The following RGS6 variants were observed in gnomAD, a reference collection of about 807,000 sequenced individuals.
RGS6 encodes regulator of G-protein signaling 6.
Under a neutral mutation model 78.5 loss-of-function variants are expected in RGS6, and 30 were observed. The observed-to-expected ratio is 0.38, with a 90% CI of 0.29 to 0.52. The LOEUF (loss-of-function observed/expected upper bound fraction) is 0.52, where lower values mean the gene tolerates loss of function less well. Ranked by LOEUF, RGS6 falls within the 20% of genes least tolerant of loss-of-function variation. The probability of loss-of-function intolerance (pLI) is 0.85; values close to 1 mark genes in which losing one functional copy is unlikely to be tolerated. For missense variants in RGS6, 495 were observed against 609.7 expected (o/e 0.81, Z 1.98); for synonymous variants, 206 against 206.0 (o/e 1.00, Z 0.00).
the RGS6 span, among the ~76,000 whole-genome samples, chr14:72,603,681 G>T: frequency 6.8e-6 from 1 of 147,958 alleles, no homozygotes; most frequent in Admixed American, 6.8e-5. Context: ...AGCATCAGGT[G>T]CTATATGACA....
chr14:72,093,112 C>T (rs1192173268), intron 2 of RGS6, among the ~76,000 whole-genome samples: 1 of 151,944 alleles, frequency 6.6e-6, no homozygotes, highest in Non-Finnish European at 1.5e-5. Flanking sequence ...AGAACATGAC[C>T]AACATGATTG....
At chr14:72,336,478 C>T (rs1352391380) in intron 2 of RGS6, among the ~76,000 whole-genome samples, 3 of 151,438 alleles carry the variant, frequency 2.0e-5, no homozygotes, top group South Asian at 2.1e-4. Flanking sequence ...TCATGGAAAG[C>T]TGTCTAATTT....
chr14:72,071,570 C>G (rs537976199), intron 2 of RGS6, among the ~76,000 whole-genome samples: 1 of 152,176 alleles, frequency 6.6e-6, no homozygotes, highest in Non-Finnish European at 1.5e-5. Flanking sequence ...TTAGTATTGT[C>G]AGGTTTCTTA....
chr14:72,567,348 C>T (rs533716320), downstream of RGS6, among the ~76,000 whole-genome samples: 180 of 152,320 alleles, frequency 1.2e-3, no homozygotes, highest in African/African-American at 4.2e-3. Context: ...TCCTCTTTGA[C>T]CATGGCCACC....
chr14:72,337,484 A>G (rs2076247678), intron 2 of RGS6, among the ~76,000 whole-genome samples: 1 of 151,800 alleles, frequency 6.6e-6, no homozygotes, highest in South Asian at 2.1e-4. Flanking sequence ...TCTACTTACA[A>G]CCTTGCCCTC....
chr14:71,884,593 TA>T, the RGS6 span, among the ~76,000 whole-genome samples: 3 of 152,232 alleles, frequency 2.0e-5, no homozygotes, highest in Admixed American at 6.5e-5. Context: ...GTGGATTTTA[TA>T]ACTTGTACCT....
chr14:72,575,697 C>T, the RGS6 span, among the ~76,000 whole-genome samples: 2 of 152,192 alleles, frequency 1.3e-5, no homozygotes, highest in Admixed American at 6.5e-5. Flanking sequence ...AGAAATGATA[C>T]ATGTTTGAGG....
chr14:72,048,235 G>T lies in RGS6; in HGVS notation c.84+83360G>T, dbSNP rs17179393. Among the ~76,000 whole-genome samples, 624 of 152,118 alleles carry T rather than the reference G, an allele frequency of 4.1e-3. 2 individuals are homozygous for T. Among genetic ancestry groups the T allele is most frequent in the African/African-American group, 0.015 (609 of 41,518 alleles). ...TTCACTTTAACGGGGTTACCAAATC[G>T]CTCTTTAAACTTGAATTTCTATCAA... is the stretch of plus-strand genomic sequence containing the variant. On this transcript the variant is annotated intron_variant, in intron 2 of 17. Coordinates refer to ENST00000553525, the MANE Select transcript of RGS6 (RefSeq NM_001204424.2).
the RGS6 span, among the ~76,000 whole-genome samples, chr14:71,889,971 T>C: frequency 1.3e-5 from 2 of 152,196 alleles, no homozygotes; most frequent in Non-Finnish European, 2.9e-5. Flanking sequence ...TGGCAAAAAC[T>C]GTGATTACTT....
chr14:71,879,399 G>A, the RGS6 span, among the ~76,000 whole-genome samples: 76,519 of 151,972 alleles, frequency 0.5, 19,618 homozygotes, highest in South Asian at 0.67. Context: ...ACTATAATAT[G>A]AGCAAGATGA....
intron 2 of RGS6, among the ~76,000 whole-genome samples, chr14:72,213,317 C>A (rs1341504629): frequency 6.6e-6 from 1 of 152,056 alleles, no homozygotes; most frequent in African/African-American, 2.4e-5. Flanking sequence ...AGGAAAGAGG[C>A]CCCAAAGCCA....
chr14:72,026,170 G>A (rs1251145070), intron 2 of RGS6, among the ~76,000 whole-genome samples: 3 of 152,100 alleles, frequency 2.0e-5, no homozygotes. Flanking sequence ...ACTTTGGGAG[G>A]CCAAGGCAGG....
chr14:71,997,339 G>A (rs1052382022), intron 2 of RGS6, among the ~76,000 whole-genome samples: 24 of 152,136 alleles, frequency 1.6e-4, no homozygotes, highest in Non-Finnish European at 3.2e-4. Flanking sequence ...AGTCCAGAGC[G>A]CAGTTGTATA....
intron 2 of RGS6, among the ~76,000 whole-genome samples, chr14:72,087,244 C>T (rs2095080235): frequency 6.6e-6 from 1 of 152,104 alleles, no homozygotes; most frequent in Non-Finnish European, 1.5e-5. Flanking sequence ...GATTCTCTTG[C>T]CTCAGCCTCC....
At chr14:72,250,053 AC>A (rs2055259514) in intron 2 of RGS6, among the ~76,000 whole-genome samples, 2 of 131,056 alleles carry the variant, frequency 1.5e-5, no homozygotes, top group Non-Finnish European at 3.1e-5. Context: ...GATCACATGG[AC>A]ACAGGAAGGG....
At position 72,499,131 on chromosome 14, in the gene RGS6, C is replaced by G. The variant is rs186986458; in HGVS notation, c.965+3869C>G. Among the ~76,000 whole-genome samples, 342 of 152,316 alleles carry G rather than the reference C, an allele frequency of 2.2e-3. 6 individuals are homozygous for G. The highest frequency in any genetic ancestry group is 0.021 in the Admixed American group (322 of 15,304). On this transcript the variant is annotated intron_variant, in intron 13 of 17. Coordinates refer to ENST00000553525, the MANE Select transcript of RGS6 (RefSeq NM_001204424.2). ...ATTTCCTCGCCAAGGTACTCCCCAA[C>G]AAGTCGACTCTTCTCCCTCCACTAA...
chr14:72,553,068 A>G lies in RGS6; in HGVS notation c.1423-9349A>G, dbSNP rs2153535826. On this transcript the variant is annotated intron_variant, in intron 17 of 17. Coordinates refer to ENST00000553525, the MANE Select transcript of RGS6 (RefSeq NM_001204424.2). ...TATGCACATGTGCACAGGTGTATACACAGGTGCATGTGCCGCCTGCCTGAT... is the reference window on the plus strand; with the variant it reads ...TATGCACATGTGCACAGGTGTATACGCAGGTGCATGTGCCGCCTGCCTGAT... 2.0e-5 allele frequency among the ~76,000 whole-genome samples: 3 copies of G among 152,310 alleles called. No homozygotes were observed. The South Asian group carries it at 6.2e-4, about 32-fold the overall frequency.
chr14:72,495,312 C>A (rs1218370049), intron 13 of RGS6, 50 bp downstream of exon 13: 1 of 1,050,482 alleles, frequency 9.5e-7, no homozygotes, highest in Non-Finnish European at 1.5e-6. Flanking sequence ...GACAAAAATC[C>A]ATGAGATCAT....
At chr14:72,439,925 G>A (rs576817838) in intron 3 of RGS6, among the ~76,000 whole-genome samples, 28 of 152,254 alleles carry the variant, frequency 1.8e-4, no homozygotes, top group South Asian at 6.2e-4. Flanking sequence ...TACCCCATTC[G>A]ACCTGAGGTT....
Sources: gnomAD v4.1 joint callset for allele counts (sites outside exome capture counted in the v4.1 genomes callset) on GRCh38, gnomAD v4.1.1 for gene constraint, MANE v1.5 for transcripts, NCBI Gene and HGNC (gene_info 2026-07-23, HGNC 2026-07-21) for gene names.